The following GLRA3 variants were observed in gnomAD, a reference collection of about 807,000 sequenced individuals.
GLRA3 encodes the protein glycine receptor subunit alpha-3.
A neutral mutation model predicts 60.4 loss-of-function variants in GLRA3; 44 were observed. The ratio of observed to expected loss-of-function variants is 0.73; its 90% CI spans 0.57 to 0.94. The LOEUF (loss-of-function observed/expected upper bound fraction) is 0.94. GLRA3 is among the 40% of genes least tolerant of loss of function. GLRA3 has a pLI of 0.00. For synonymous variants in GLRA3, 223 were observed against 192.9 expected, an observed-to-expected ratio of 1.16 and a Z score of -1.29; for missense variants, 508 against 564.6, an observed-to-expected ratio of 0.90 and a Z score of 1.02.
At chr4:174,808,330 T>C (rs1740130026) in intron 1 of GLRA3, among the ~76,000 whole-genome samples, 1 of 151,988 alleles carries the variant, frequency 6.6e-6, no homozygotes, top group Admixed American at 6.6e-5. Flanking sequence ...AGCTGAAAAA[T>C]TCCTATTGCC....
intron 7 of GLRA3, among the ~76,000 whole-genome samples, chr4:174,663,417 T>G (rs6553803): frequency 0.98 from 148,801 of 152,300 alleles, 72,779 homozygotes; most frequent in Non-Finnish European, 1. Flanking sequence ...CATAAAGTAT[T>G]TGTGCATTCT....
At chr4:174,735,041 G>C (rs577693342) in intron 3 of GLRA3, among the ~76,000 whole-genome samples, 91 of 152,142 alleles carry the variant, frequency 6.0e-4, no homozygotes, top group Non-Finnish European at 8.1e-4. Context: ...TTAATCTCCC[G>C]CTAAGGTGCT....
chr4:174,689,909 T>A (rs1335875157), intron 5 of GLRA3, among the ~76,000 whole-genome samples: 1 of 151,786 alleles, frequency 6.6e-6, no homozygotes, highest in Non-Finnish European at 1.5e-5. Context: ...ATTCAGGAGT[T>A]GCAATCCTAG....
At chr4:174,762,095 A>C (rs1737963457) in intron 3 of GLRA3, among the ~76,000 whole-genome samples, 1 of 152,178 alleles carries the variant, frequency 6.6e-6, no homozygotes, top group African/African-American at 2.4e-5. Context: ...GTGCAGTCAA[A>C]ACATTTAGAA....
intron 4 of GLRA3, among the ~76,000 whole-genome samples, chr4:174,717,119 A>G (rs1735951695): frequency 6.6e-6 from 1 of 150,444 alleles, no homozygotes; most frequent in Admixed American, 6.6e-5. Flanking sequence ...AGCTGAGGTG[A>G]GAGTATGGCT....
chr4:174,702,170 C>T (rs1201052619), intron 5 of GLRA3, among the ~76,000 whole-genome samples: 1 of 152,150 alleles, frequency 6.6e-6, no homozygotes, highest in Admixed American at 6.5e-5. Flanking sequence ...GTAATTTCCA[C>T]AGCCATGCCA....
intron 2 of GLRA3, among the ~76,000 whole-genome samples, chr4:174,771,659 G>A (rs1029444217): frequency 6.6e-6 from 1 of 152,058 alleles, no homozygotes; most frequent in African/African-American, 2.4e-5. Flanking sequence ...TTAGACCACT[G>A]CTAGCTGCAC....
At chr4:174,754,533 A>G (rs1737613885) in intron 3 of GLRA3, among the ~76,000 whole-genome samples, 1 of 152,190 alleles carries the variant, frequency 6.6e-6, no homozygotes, top group Non-Finnish European at 1.5e-5. Flanking sequence ...ATCTAATAAT[A>G]TCCTACATGA....
intron 9 of GLRA3, among the ~76,000 whole-genome samples, chr4:174,648,166 A>T (rs1732897085): frequency 6.6e-6 from 1 of 152,104 alleles, no homozygotes; most frequent in African/African-American, 2.4e-5. Flanking sequence ...GGGTGGTATA[A>T]ATCTATGTTG....
At chr4:174,787,878 T>C (rs1739181451) in intron 2 of GLRA3, among the ~76,000 whole-genome samples, 1 of 152,070 alleles carries the variant, frequency 6.6e-6, no homozygotes, top group Non-Finnish European at 1.5e-5. Context: ...TGAGTTTTAC[T>C]TCTTTTGTTC....
intron 5 of GLRA3, among the ~76,000 whole-genome samples, chr4:174,693,081 C>G (rs1346051541): frequency 6.6e-6 from 1 of 151,992 alleles, no homozygotes; most frequent in Non-Finnish European, 1.5e-5. Flanking sequence ...GCATAGTTTT[C>G]AAATATTTTC....
chr4:174,774,498 C>T (rs573824466), intron 2 of GLRA3, among the ~76,000 whole-genome samples: 10 of 151,516 alleles, frequency 6.6e-5, no homozygotes, highest in Non-Finnish European at 1.3e-4. Context: ...ATGGCAAAAT[C>T]TGACATGGTC....
intron 5 of GLRA3, among the ~76,000 whole-genome samples, chr4:174,704,018 G>GAACTT (rs1735420568): frequency 1.1e-4 from 16 of 145,422 alleles, no homozygotes; most frequent in South Asian, 2.2e-4. Context: ...AAAGAGGCTG[G>GAACTT]GCACGGTGGC....
intron 3 of GLRA3, among the ~76,000 whole-genome samples, chr4:174,748,610 T>C (rs920613002): frequency 6.6e-6 from 1 of 152,110 alleles, no homozygotes; most frequent in Non-Finnish European, 1.5e-5. Flanking sequence ...TAATCTTATA[T>C]AAAAGGAGGG....
chr4:174,796,659 C>A (rs894477514), intron 1 of GLRA3, among the ~76,000 whole-genome samples: 1 of 152,032 alleles, frequency 6.6e-6, no homozygotes, highest in African/African-American at 2.4e-5. Flanking sequence ...GCCTCAGCCC[C>A]CCGAGTAGCT....
chr4:174,682,221 C>T (rs959606139), intron 6 of GLRA3, among the ~76,000 whole-genome samples: 1 of 152,022 alleles, frequency 6.6e-6, no homozygotes, highest in African/African-American at 2.4e-5. Flanking sequence ...ATGGAAATAG[C>T]CCATGTTAGT....
At chr4:174,804,342 C>A (rs1739946327) in intron 1 of GLRA3, among the ~76,000 whole-genome samples, 1 of 152,080 alleles carries the variant, frequency 6.6e-6, no homozygotes, top group South Asian at 2.1e-4. Flanking sequence ...ACAAATGAGG[C>A]TGGAGAGCAC....
At chr4:174,744,399 A>T (rs549083753) in intron 3 of GLRA3, among the ~76,000 whole-genome samples, 2 of 152,340 alleles carry the variant, frequency 1.3e-5, no homozygotes, top group Admixed American at 6.5e-5. Context: ...GAGCCGAAGA[A>T]CAGGCACATT....
intron 3 of GLRA3, among the ~76,000 whole-genome samples, chr4:174,753,334 T>G: frequency 6.6e-6 from 1 of 152,254 alleles, no homozygotes; most frequent in South Asian, 2.1e-4. Flanking sequence ...TAATATTAAC[T>G]CACACATCTG....
Sources: gnomAD v4.1 joint callset for allele counts (sites outside exome capture counted in the v4.1 genomes callset) on GRCh38, gnomAD v4.1.1 for gene constraint, MANE v1.5 for transcripts, NCBI Gene and HGNC (gene_info 2026-07-23, HGNC 2026-07-21) for gene names.